Variants in CSMD1 observed in about 807,000 individuals in gnomAD.
The protein encoded by CSMD1 is CUB and Sushi multiple domains 1, also known as CUB and sushi domain-containing protein 1.
Under a neutral mutation model 417.5 loss-of-function variants are expected in CSMD1, and 213 were observed. That is an observed-to-expected ratio of 0.51 (90% CI 0.46 to 0.57). CSMD1 has a LOEUF of 0.57. Ranked by LOEUF, CSMD1 falls within the 20% of genes least tolerant of loss-of-function variation. The pLI, the probability that CSMD1 is intolerant of heterozygous loss-of-function variation, is 0.00. For missense variants in CSMD1, 6,923 were observed against 4,529.7 expected, an observed-to-expected ratio of 1.53 and a Z score of -15.17; for synonymous variants, 2,862 against 1,736.8, an observed-to-expected ratio of 1.65 and a Z score of -16.11.
At chr8:3,353,556 G>C (rs1808553053) in intron 21 of CSMD1, among the ~76,000 whole-genome samples, 1 of 152,208 alleles carries the variant, frequency 6.6e-6, no homozygotes, top group Non-Finnish European at 1.5e-5. Flanking sequence ...CCCTGGGGCA[G>C]TATCCCGTAG....
intron 5 of CSMD1, among the ~76,000 whole-genome samples, chr8:3,966,117 A>C (rs1446242059): frequency 6.6e-6 from 1 of 152,208 alleles, no homozygotes; most frequent in East Asian, 1.9e-4. Flanking sequence ...AATTTAGGGA[A>C]TAGGCTCCCA....
intron 2 of CSMD1, among the ~76,000 whole-genome samples, chr8:4,439,616 G>A (rs570268967): frequency 2.6e-5 from 4 of 152,050 alleles, no homozygotes; most frequent in Non-Finnish European, 5.9e-5. Context: ...TTGTTTTAAG[G>A]TAAAGTAAAA....
chr8:3,808,759 C>T (rs917716899), intron 5 of CSMD1, among the ~76,000 whole-genome samples: 3 of 152,134 alleles, frequency 2.0e-5, no homozygotes, highest in Admixed American at 6.5e-5. Context: ...TGCAAGAACA[C>T]GAGTTAGCTT....
intron 7 of CSMD1, among the ~76,000 whole-genome samples, chr8:3,676,827 T>C (rs904117493): frequency 6.6e-6 from 1 of 152,148 alleles, no homozygotes; most frequent in East Asian, 1.9e-4. Context: ...CACCATGGAA[T>C]AAAGGATGAG....
intron 5 of CSMD1, among the ~76,000 whole-genome samples, chr8:3,754,541 G>A (rs947537157): frequency 3.3e-5 from 5 of 152,048 alleles, no homozygotes; most frequent in East Asian, 3.9e-4. Flanking sequence ...TGCAAGCTCC[G>A]CCTCCTGGGT....
chr8:3,142,831 C>G (rs1324845880), intron 40 of CSMD1, among the ~76,000 whole-genome samples, 157 bp from the exon 41 acceptor site: 1 of 152,250 alleles, frequency 6.6e-6, no homozygotes, highest in Non-Finnish European at 1.5e-5. Context: ...TGGATGACAG[C>G]AAACCCTGGC....
chr8:3,754,515 T>A (rs1232365242), intron 5 of CSMD1, among the ~76,000 whole-genome samples: 1 of 152,062 alleles, frequency 6.6e-6, no homozygotes, highest in African/African-American at 2.4e-5. Flanking sequence ...AGGGCAGTGG[T>A]GCGATCTCGG....
intron 3 of CSMD1, among the ~76,000 whole-genome samples, chr8:4,171,222 G>A (rs1198106611): frequency 6.6e-6 from 1 of 151,800 alleles, no homozygotes; most frequent in East Asian, 1.9e-4. Flanking sequence ...TACCCGCAAA[G>A]GTCCAGCTCA....
chr8:3,348,810 A>C (rs192514179), intron 21 of CSMD1, among the ~76,000 whole-genome samples: 2 of 152,366 alleles, frequency 1.3e-5, no homozygotes, highest in East Asian at 3.9e-4. Flanking sequence ...AATTCCTCTT[A>C]TCAAGGTAAA....
chr8:4,633,328 G>GAT (rs1470489780), intron 2 of CSMD1, among the ~76,000 whole-genome samples: 1 of 147,498 alleles, frequency 6.8e-6, no homozygotes, highest in Non-Finnish European at 1.5e-5. Flanking sequence ...CTCACTGAAA[G>GAT]CTCCGCCTCC....
chr8:3,606,795 C>T (rs1198409421), intron 8 of CSMD1, among the ~76,000 whole-genome samples: 4 of 151,866 alleles, frequency 2.6e-5, no homozygotes, highest in African/African-American at 9.7e-5. Context: ...AGCGCAACCT[C>T]CACTTCCTGG....
chr8:4,508,089 CAA>C lies in CSMD1; in HGVS notation c.303-88026_303-88025del, dbSNP rs3991007. On this transcript the variant is annotated intron_variant, in intron 2 of 69. Coordinates refer to ENST00000635120, the MANE Select transcript of CSMD1 (RefSeq NM_033225.6). The stretch of plus-strand genomic sequence containing the variant: ...TGTGAGCTATGTAGAAAAAAAATAC[CAA>C]AAAAAAAAAAAACCCCAAAAAACAA... 8.4e-4 allele frequency among the ~76,000 whole-genome samples: 106 copies of C among 125,956 alleles called. 1 individual carries two copies. The East Asian group carries it at 0.02, about 24-fold the overall frequency. The allele number at this position is 125,956 out of a possible 152,430, so 82.6% of individuals were successfully genotyped here.
At chr8:3,695,612 G>T (rs1051986218) in intron 7 of CSMD1, among the ~76,000 whole-genome samples, 2 of 152,104 alleles carry the variant, frequency 1.3e-5, no homozygotes, top group Admixed American at 6.6e-5. Flanking sequence ...AAATGTTCAC[G>T]TGTTTCACAA....
intron 1 of CSMD1, among the ~76,000 whole-genome samples, chr8:4,751,887 T>C (rs1811350770): frequency 1.3e-5 from 2 of 152,176 alleles, no homozygotes. Context: ...CAATTAATCA[T>C]CCACTTTCTC....
intron 8 of CSMD1, among the ~76,000 whole-genome samples, chr8:3,592,767 T>G (rs1214109620): frequency 6.6e-6 from 1 of 152,100 alleles, no homozygotes; most frequent in Non-Finnish European, 1.5e-5. Context: ...TCTGAGGACT[T>G]TTGTCCTAGC....
intron 1 of CSMD1, among the ~76,000 whole-genome samples, chr8:4,884,417 C>T (rs1421685562): frequency 2.0e-5 from 3 of 151,834 alleles, no homozygotes; most frequent in Admixed American, 6.6e-5. Context: ...GTTGTTGTTG[C>T]TTGTGCTTTT....
rs567560319 is a variant in CSMD1 at position 4,086,889 on chromosome 8, T to C, written c.416-54790A>G. ...CATAAGAGAGTAAACTGCAAGTAAA[T>C]GTTGGCAACAATCAGGCAAGGGTTG... On this transcript the variant is annotated intron_variant, in intron 3 of 69. Transcript: ENST00000635120. Among the ~76,000 whole-genome samples the C allele has an allele frequency of 4.9e-4, 74 of 152,310 alleles. 1 individual carries two copies. The South Asian group carries it at 0.014, about 29-fold the overall frequency.
At chr8:4,902,021 T>C (rs1439952775) in intron 1 of CSMD1, among the ~76,000 whole-genome samples, 2 of 152,318 alleles carry the variant, frequency 1.3e-5, no homozygotes, top group African/African-American at 4.8e-5. Context: ...AATGCAGCTA[T>C]GATGCAAACA....
chr8:4,696,977 G>C (rs1208891247), intron 1 of CSMD1, among the ~76,000 whole-genome samples: 1 of 152,064 alleles, frequency 6.6e-6, no homozygotes, highest in African/African-American at 2.4e-5. Context: ...TTCAAGACCA[G>C]CCTGACGAAC....
Sources: allele counts gnomAD v4.1 joint callset (sites outside exome capture counted in the v4.1 genomes callset), GRCh38; gene constraint gnomAD v4.1.1; transcripts MANE v1.5; gene names NCBI Gene and HGNC (gene_info 2026-07-23, HGNC 2026-07-21).